NINL: variants seen among roughly 807,000 people sequenced by gnomAD.
The protein encoded by NINL is ninein-like protein.
In NINL, 153 loss-of-function variants were observed where a neutral mutation model predicts 160.3. That is an observed-to-expected ratio of 0.95 (90% CI 0.84 to 1.09). The LOEUF is 1.09. NINL is among the 50% of genes least tolerant of loss of function. The pLI is 0.00. For synonymous variants in NINL, 800 were observed against 734.8 expected (o/e 1.09, Z -1.43); for missense variants, 1,829 against 1,764.0 (o/e 1.04, Z -0.66).
chr20:25,561,943 G>A (rs1277004205), intron 1 of NINL, among the ~76,000 whole-genome samples: 1 of 147,452 alleles, frequency 6.8e-6, no homozygotes, highest in African/African-American at 2.5e-5. Flanking sequence ...GTCCGGGAGG[G>A]AGGTGGGGGG....
chr20:25,499,945 CAAAAAAAA>C (rs11476280), intron 8 of NINL, among the ~76,000 whole-genome samples: 7 of 61,418 alleles, frequency 1.1e-4, no homozygotes, highest in East Asian at 4.6e-4. Flanking sequence ...ACCAATTTCG[CAAAAAAAA>C]AAAAAAAAAA....
intron 1 of NINL, among the ~76,000 whole-genome samples, chr20:25,535,498 A>G (rs1050089686): frequency 1.3e-5 from 2 of 152,228 alleles, no homozygotes; most frequent in Admixed American, 1.3e-4. Context: ...GAATCAAAAC[A>G]TAATTTTGTA....
chr20:25,485,685 G>C (rs1345141993), intron 13 of NINL, among the ~76,000 whole-genome samples: 4 of 152,082 alleles, frequency 2.6e-5, no homozygotes, highest in African/African-American at 7.2e-5. Context: ...TGTGTCTTTT[G>C]ATCAGTGGGT....
At chr20:25,488,152 A>G (rs1254436250) in intron 13 of NINL, among the ~76,000 whole-genome samples, 1 of 152,200 alleles carries the variant, frequency 6.6e-6, no homozygotes, top group African/African-American at 2.4e-5. Context: ...CAGGCCTCCC[A>G]GCAGCCCACA....
At chr20:25,578,793 C>CAAAA (rs11344577) in intron 1 of NINL, among the ~76,000 whole-genome samples, 1 of 74,106 alleles carries the variant, frequency 1.3e-5, no homozygotes, top group African/African-American at 4.9e-5. Flanking sequence ...ACTCCATCTC[C>CAAAA]AAAAAAAAAA....
At chr20:25,462,793 C>T in intron 19 of NINL, 2 of 360,042 alleles carry the variant, frequency 5.6e-6, no homozygotes, top group South Asian at 3.0e-5. Flanking sequence ...TAGCTGGGAC[C>T]ACAGGCACAC....
chr20:25,458,572 C>T (rs367553243), intron 21 of NINL, 43 bp from the exon 22 acceptor site: 20 of 1,510,664 alleles, frequency 1.3e-5, no homozygotes, highest in East Asian at 4.8e-5. Flanking sequence ...GCTGCTGAGA[C>T]GCGGCACAGA....
At chr20:25,569,962 A>G (rs1252125198) in intron 1 of NINL, among the ~76,000 whole-genome samples, 1 of 151,952 alleles carries the variant, frequency 6.6e-6, no homozygotes, top group Non-Finnish European at 1.5e-5. Context: ...AGGTAGGAGG[A>G]TCACTCAGAA....
chr20:25,566,773 G>A (rs1198402304), intron 1 of NINL, among the ~76,000 whole-genome samples: 1 of 151,416 alleles, frequency 6.6e-6, no homozygotes, highest in East Asian at 1.9e-4. Context: ...CAACCTAGGT[G>A]ACACAGCAAG....
intron 1 of NINL, among the ~76,000 whole-genome samples, chr20:25,530,088 T>C (rs1395826026): frequency 6.6e-6 from 1 of 152,202 alleles, no homozygotes; most frequent in Non-Finnish European, 1.5e-5. Context: ...TGTTTAGTTG[T>C]AACCAATTCA....
intron 2 of NINL, among the ~76,000 whole-genome samples, chr20:25,519,414 C>T (rs914534853): frequency 1.3e-5 from 2 of 152,206 alleles, no homozygotes; most frequent in African/African-American, 4.8e-5. Context: ...GACTTTCCAT[C>T]TGGAATAATT....
intron 11 of NINL, 92 bp from the exon 12 acceptor site, chr20:25,490,077 T>C (rs1212622307): frequency 3.4e-6 from 4 of 1,170,912 alleles, no homozygotes; most frequent in Non-Finnish European, 5.1e-6. Context: ...CTCATAGGAC[T>C]GGGCATCAGG....
chr20:25,474,604 C>T (rs112946829), intron 17 of NINL, among the ~76,000 whole-genome samples: 3,189 of 151,928 alleles, frequency 0.021, 102 homozygotes, highest in African/African-American at 0.072. Flanking sequence ...AACAGAGTTT[C>T]ACTAAAGGAA....
At position 25,489,311 on chromosome 20, in the gene NINL, C is replaced by T. The variant is rs1035831366; in HGVS notation, c.1610G>A (p.Ser537Asn). The change falls in exon 13 of 24, where the codon AGT (serine) becomes AAT (asparagine). Residue 537 changes from serine to asparagine, a missense_variant. Transcript: ENST00000278886. ...CTCCTCCTGGGCCAGGAGCTCTGCA[C>T]TCTGTGGCTCCAGCTGAAAGGCAGA... ...FVLKDKLEPQSAELLAQEERF... is the reference protein window; with the variant it reads ...FVLKDKLEPQNAELLAQEERF... The T allele has an allele frequency of 1.9e-5, 30 of 1,613,816 alleles. No individual in the cohort carries two copies. Among genetic ancestry groups the T allele is most frequent in the Non-Finnish European group, 2.4e-5 (28 of 1,180,012 alleles).
At chr20:25,533,843 T>C (rs1229952407) in intron 1 of NINL, among the ~76,000 whole-genome samples, 1 of 152,224 alleles carries the variant, frequency 6.6e-6, no homozygotes, top group Non-Finnish European at 1.5e-5. Context: ...CTATAAAGCT[T>C]TTTATAGTTT....
chr20:25,539,859 C>T (rs2064631574), intron 1 of NINL, among the ~76,000 whole-genome samples: 1 of 152,226 alleles, frequency 6.6e-6, no homozygotes, highest in Non-Finnish European at 1.5e-5. Context: ...ACCCACGGGG[C>T]GGAGGAAAGA....
At chr20:25,543,067 AAAG>A (rs1185779006) in intron 1 of NINL, among the ~76,000 whole-genome samples, 1 of 151,984 alleles carries the variant, frequency 6.6e-6, no homozygotes, top group Non-Finnish European at 1.5e-5. Context: ...AAGAAAAGAA[AAAG>A]AAATATGGCT....
At chr20:25,539,967 C>T (rs539810301) in intron 1 of NINL, 166 of 1,206,042 alleles carry the variant, frequency 1.4e-4, no homozygotes, top group Non-Finnish European at 1.3e-4. Flanking sequence ...CCTGCGCAGG[C>T]GCCTCAGTGC....
chr20:25,516,042 G>T (rs1281529798), intron 3 of NINL, among the ~76,000 whole-genome samples: 1 of 152,096 alleles, frequency 6.6e-6, no homozygotes, highest in Non-Finnish European at 1.5e-5. Context: ...CCAAAGTGCT[G>T]GGATTACAGG....
Sources: allele counts gnomAD v4.1 joint callset (sites outside exome capture counted in the v4.1 genomes callset), GRCh38; gene constraint gnomAD v4.1.1; transcripts MANE v1.5; gene names NCBI Gene and HGNC (gene_info 2026-07-23, HGNC 2026-07-21).